The following RABGAP1L variants were observed in gnomAD, a reference collection of about 807,000 sequenced individuals.
RABGAP1L encodes the protein RAB GTPase activating protein 1 like.
A neutral mutation model predicts 137.7 loss-of-function variants in RABGAP1L; 63 were observed. The observed-to-expected ratio is 0.46, with a 90% CI of 0.37 to 0.56. The LOEUF is 0.56. Ranked by LOEUF, RABGAP1L falls within the 20% of genes least tolerant of loss-of-function variation. The probability of loss-of-function intolerance (pLI) is 0.00; values close to 1 mark genes in which losing one functional copy is unlikely to be tolerated. For missense variants in RABGAP1L, 1,095 were observed against 1,244.0 expected, an observed-to-expected ratio of 0.88 and a Z score of 1.80; for synonymous variants, 431 against 433.7, an observed-to-expected ratio of 0.99 and a Z score of 0.08.
At chr1:174,980,011 T>C (rs938929133) in intron 23 of RABGAP1L, among the ~76,000 whole-genome samples, 1 of 152,368 alleles carries the variant, frequency 6.6e-6, no homozygotes, top group East Asian at 1.9e-4. Flanking sequence ...AAATTAAATT[T>C]GTGTTCTTGT....
At chr1:174,353,329 A>G (rs1014053579) in intron 11 of RABGAP1L, among the ~76,000 whole-genome samples, 1 of 152,148 alleles carries the variant, frequency 6.6e-6, no homozygotes, top group Admixed American at 6.5e-5. Context: ...TGGAAGGAGT[A>G]TCCACCAAAG....
chr1:174,352,934 TTCTC>T (rs1683321163), intron 11 of RABGAP1L, among the ~76,000 whole-genome samples: 3 of 152,164 alleles, frequency 2.0e-5, no homozygotes, highest in Admixed American at 1.3e-4. Context: ...TCCAAAGAGA[TTCTC>T]TCTCTGTGTG....
At chr1:174,487,506 A>G (rs1001390790) in intron 13 of RABGAP1L, among the ~76,000 whole-genome samples, 1 of 152,062 alleles carries the variant, frequency 6.6e-6, no homozygotes, top group Non-Finnish European at 1.5e-5. Context: ...GTTTTAGTCT[A>G]CATATGTCTT....
intron 13 of RABGAP1L, among the ~76,000 whole-genome samples, chr1:174,616,105 G>T (rs1354502477): frequency 6.6e-6 from 1 of 152,168 alleles, no homozygotes; most frequent in Non-Finnish European, 1.5e-5. Flanking sequence ...CCCACTGTCT[G>T]GCACTCCCTA....
intron 19 of RABGAP1L, among the ~76,000 whole-genome samples, chr1:174,888,607 T>A (rs1448543509): frequency 1.3e-5 from 2 of 152,020 alleles, no homozygotes; most frequent in Non-Finnish European, 2.9e-5. Context: ...GTGATTCTCA[T>A]GCCTCAGCCT....
chr1:174,544,374 C>T (rs921772862), intron 13 of RABGAP1L, among the ~76,000 whole-genome samples: 48 of 152,296 alleles, frequency 3.2e-4, no homozygotes, highest in African/African-American at 1.1e-3. Context: ...ACCCTTTCTT[C>T]CACTTGATTT....
At chr1:174,265,191 C>T (rs926629006) in intron 7 of RABGAP1L, among the ~76,000 whole-genome samples, 1 of 152,096 alleles carries the variant, frequency 6.6e-6, no homozygotes, top group African/African-American at 2.4e-5. Context: ...TGTAAATTAG[C>T]ACCCGTTTAT....
intron 13 of RABGAP1L, among the ~76,000 whole-genome samples, chr1:174,518,299 T>G (rs1187943198): frequency 6.6e-6 from 1 of 152,026 alleles, no homozygotes; most frequent in Non-Finnish European, 1.5e-5. Context: ...CTAGGGGGGA[T>G]TGGTTTCAGG....
intron 13 of RABGAP1L, among the ~76,000 whole-genome samples, chr1:174,549,550 G>T (rs1433255684): frequency 1.3e-5 from 2 of 152,182 alleles, no homozygotes; most frequent in Non-Finnish European, 2.9e-5. Flanking sequence ...AATTTTAGAA[G>T]TATGTAGAGA....
intron 19 of RABGAP1L, among the ~76,000 whole-genome samples, chr1:174,908,127 C>T (rs965379665): frequency 1.3e-5 from 2 of 152,142 alleles, no homozygotes; most frequent in Non-Finnish European, 2.9e-5. Flanking sequence ...TATATTTTTG[C>T]ACTCAGCACC....
intron 19 of RABGAP1L, among the ~76,000 whole-genome samples, chr1:174,910,805 T>G (rs1362132735): frequency 1.3e-5 from 2 of 152,248 alleles, no homozygotes; most frequent in Non-Finnish European, 2.9e-5. Flanking sequence ...TCAGTTATTT[T>G]GGGTATATAC....
At chr1:174,471,880 G>A (rs1657983812) in intron 13 of RABGAP1L, among the ~76,000 whole-genome samples, 1 of 152,168 alleles carries the variant, frequency 6.6e-6, no homozygotes, top group Admixed American at 6.5e-5. Context: ...CTGTGAGGAG[G>A]TGATAAAGGT....
chr1:174,176,741 A>AAAAAAAAAAATAAATAAAAT (rs755688394), intron 1 of RABGAP1L, among the ~76,000 whole-genome samples: 1 of 111,778 alleles, frequency 8.9e-6, no homozygotes, highest in African/African-American at 3.6e-5. Context: ...AAAAAAAAAA[A>AAAAAAAAAAATAAATAAAAT]AAAAAGGTCA....
chr1:174,745,235 G>A (rs1683777134), intron 17 of RABGAP1L, among the ~76,000 whole-genome samples: 1 of 152,194 alleles, frequency 6.6e-6, no homozygotes. Flanking sequence ...GGGAGTATAA[G>A]TATAATTGCA....
chr1:174,942,400 G>A (rs2149295682), intron 19 of RABGAP1L, among the ~76,000 whole-genome samples: 1 of 152,250 alleles, frequency 6.6e-6, no homozygotes, highest in South Asian at 2.1e-4. Flanking sequence ...AGTAAAGGAG[G>A]TGCAATTATA....
chr1:174,550,895 T>TATAA (rs1456087584), intron 13 of RABGAP1L, among the ~76,000 whole-genome samples: 1 of 50,968 alleles, frequency 2.0e-5, no homozygotes, highest in Non-Finnish European at 3.5e-5. Flanking sequence ...TATATATATA[T>TATAA]ACACACACAC....
At chr1:174,165,540 C>T (rs1664837260) in intron 1 of RABGAP1L, among the ~76,000 whole-genome samples, 1 of 151,074 alleles carries the variant, frequency 6.6e-6, no homozygotes, top group South Asian at 2.1e-4. Flanking sequence ...ACTCCCGTTA[C>T]TCAAACTGAG....
intron 19 of RABGAP1L, among the ~76,000 whole-genome samples, chr1:174,832,319 A>AAAAAAG (rs1046294199): frequency 4.1e-5 from 6 of 146,896 alleles, no homozygotes; most frequent in African/African-American, 1.5e-4. Context: ...AAAGAAAAAG[A>AAAAAAG]AAAAAGAAAA....
intron 18 of RABGAP1L, among the ~76,000 whole-genome samples, chr1:174,793,943 C>T (rs1688051943): frequency 6.6e-6 from 1 of 152,114 alleles, no homozygotes; most frequent in Admixed American, 6.5e-5. Flanking sequence ...GCGATCCGCC[C>T]ACCTCGGCCT....
Sources: gnomAD v4.1 joint callset for allele counts (sites outside exome capture counted in the v4.1 genomes callset) on GRCh38, gnomAD v4.1.1 for gene constraint, MANE v1.5 for transcripts, NCBI Gene and HGNC (gene_info 2026-07-23, HGNC 2026-07-21) for gene names.